Variants in MTMR2 observed in about 807,000 individuals in gnomAD.
The protein encoded by MTMR2 is myotubularin related protein 2.
In MTMR2, 55 loss-of-function variants were observed where a neutral mutation model predicts 86.9. That is an observed-to-expected ratio of 0.63 (90% CI 0.51 to 0.79). MTMR2 has a LOEUF of 0.79. MTMR2 is among the 30% of genes least tolerant of loss of function. The pLI is 0.00. For missense variants in MTMR2, 659 were observed against 772.3 expected, an observed-to-expected ratio of 0.85 and a Z score of 1.74; for synonymous variants, 241 against 266.8, an observed-to-expected ratio of 0.90 and a Z score of 0.94.
rs373882109 is a variant in MTMR2 at position 95,887,232 on chromosome 11, T to C, written c.186+924A>G. ...AAGGAAAACAATGTTTTAGCTAAAATTGTGTAAGTGTAACCAGTGAGAAAG... is the reference window on the plus strand; with the variant it reads ...AAGGAAAACAATGTTTTAGCTAAAACTGTGTAAGTGTAACCAGTGAGAAAG... On this transcript the variant is annotated intron_variant, in intron 2 of 14. Coordinates refer to ENST00000346299, the MANE Select transcript of MTMR2 (RefSeq NM_016156.6). Among the ~76,000 whole-genome samples the C allele has an allele frequency of 2.0e-5, 3 of 152,270 alleles. No homozygotes were observed. In the East Asian group the frequency reaches 5.8e-4, roughly 29 times the overall value.
chr11:95,837,066 C>A (rs1186230571), intron 13 of MTMR2, among the ~76,000 whole-genome samples: 1 of 151,944 alleles, frequency 6.6e-6, no homozygotes, highest in Non-Finnish European at 1.5e-5. Flanking sequence ...AAATAAAACT[C>A]TTCGAAACTT....
chr11:95,845,132 C>T lies in MTMR2; in HGVS notation c.1207G>A (p.Ala403Thr), dbSNP rs1377803550. 1.2e-6 allele frequency: 2 copies of T among 1,613,724 alleles called. No individual in the cohort carries two copies. Among genetic ancestry groups the T allele is most frequent in the African/African-American group, 2.7e-5 (2 of 74,902 alleles). Residue 403 changes from alanine to threonine, a missense_variant, in exon 11 of 15, where the codon GCT (alanine) becomes ACT (threonine). This residue lies in a region of MTMR2 where 387 missense variants were observed against 526.3 expected (regional missense o/e 0.74). Coordinates refer to ENST00000346299, the MANE Select transcript of MTMR2 (RefSeq NM_016156.6). ...KLILAGALRI[A>T]DKVESGKTSV... Reference sequence around the variant, plus strand: ...GTCTTCCCTGACTCTACCTTGTCAGCAATCCTAAGAGCCCCTGCAAGAATA... The same window carrying T: ...GTCTTCCCTGACTCTACCTTGTCAGTAATCCTAAGAGCCCCTGCAAGAATA...
intron 1 of MTMR2, chr11:95,914,142 A>G: frequency 2.1e-6 from 2 of 965,830 alleles, no homozygotes; most frequent in Middle Eastern, 5.3e-4. Flanking sequence ...CTTGTTACTC[A>G]TAAGTGCAAA....
rs1863143223 is a variant in MTMR2, at chr11:95,834,051, T to TG, written c.*1238dup. ...TCCTCCAATAATTTCCAAATATTTC[T>TG]GGGGAAAAAAAAGAAATGGCAACTT... On this transcript the variant is annotated 3_prime_UTR_variant, in exon 15 of 15. Transcript: ENST00000346299. 3 of 147,094 alleles carry TG rather than the reference T, an allele frequency of 2.0e-5. No individual in the cohort carries two copies. In the South Asian group the frequency reaches 6.3e-4, roughly 31 times the overall value. 9.1% of individuals were successfully genotyped at this position (147,094 alleles called of 1,614,324 possible).
chr11:95,894,898 G>C (rs1865828532), intron 1 of MTMR2, among the ~76,000 whole-genome samples: 1 of 152,024 alleles, frequency 6.6e-6, no homozygotes, highest in South Asian at 2.1e-4. Flanking sequence ...TGCTCCTTTT[G>C]CCTGTTACTG....
chr11:95,880,988 T>C (rs1304241254), intron 2 of MTMR2, among the ~76,000 whole-genome samples: 1 of 152,124 alleles, frequency 6.6e-6, no homozygotes, highest in Non-Finnish European at 1.5e-5. Context: ...CTTAGAGTCT[T>C]ATTTTAAATA....
At chr11:95,893,684 A>C (rs1565377722) in intron 1 of MTMR2, among the ~76,000 whole-genome samples, 1 of 152,078 alleles carries the variant, frequency 6.6e-6, no homozygotes, top group African/African-American at 2.4e-5. Context: ...TGATTCTCCC[A>C]TTCCCCAAGT....
intron 10 of MTMR2, among the ~76,000 whole-genome samples, chr11:95,845,882 T>TAAA (rs201863810): frequency 0.059 from 5,287 of 89,828 alleles, 304 homozygotes; most frequent in African/African-American, 0.15. Context: ...TATGGTATCT[T>TAAA]AAAAAAAAAA....
intron 1 of MTMR2, among the ~76,000 whole-genome samples, chr11:95,905,327 C>G (rs1565383810): frequency 1.7e-5 from 1 of 59,190 alleles, no homozygotes; most frequent in Non-Finnish European, 3.5e-5. Flanking sequence ...ACGCACGCAC[C>G]TGCGCACACA....
At chr11:95,872,607 C>A (rs1864934133) in intron 2 of MTMR2, among the ~76,000 whole-genome samples, 1 of 151,444 alleles carries the variant, frequency 6.6e-6, no homozygotes, top group African/African-American at 2.4e-5. Context: ...CACTTTATTT[C>A]CTTCTCCTGC....
chr11:95,923,841 G>C (rs1394718891), intron 1 of MTMR2, 34 bp downstream of exon 1: 1 of 1,549,310 alleles, frequency 6.5e-7, no homozygotes, highest in Non-Finnish European at 8.7e-7. Flanking sequence ...CATCCCCTTC[G>C]GACGCTGGGC....
intron 1 of MTMR2, chr11:95,913,029 G>GT (rs970157805): frequency 2.6e-5 from 4 of 152,010 alleles, no homozygotes; most frequent in Non-Finnish European, 5.9e-5. Context: ...ACAAAAAAAA[G>GT]TTTTTTCTTT....
In MTMR2 at chr11:95,888,262, C is replaced by A. The variant is rs764298831; in HGVS notation, c.81-1G>T. 11 of 1,592,390 alleles carry A rather than the reference C, an allele frequency of 6.9e-6. No homozygotes were observed. The highest frequency in any genetic ancestry group is 7.7e-6 in the Non-Finnish European group (9 of 1,163,304). ...ATTCTCTGAATGAGAAGTGGAGGCA[C>A]TACAAAATACAAAAGTACAGTATGT... On this transcript the variant is annotated splice_acceptor_variant, in intron 1 of 14. Coordinates refer to ENST00000346299, the MANE Select transcript of MTMR2 (RefSeq NM_016156.6). LOFTEE classifies it high-confidence loss of function.
At chr11:95,858,251 A>G (rs1459063188) in intron 6 of MTMR2, among the ~76,000 whole-genome samples, 1 of 152,152 alleles carries the variant, frequency 6.6e-6, no homozygotes, top group Non-Finnish European at 1.5e-5. Flanking sequence ...CCTAATGAAG[A>G]CAACAGGTAA....
chr11:95,858,663 T>C (rs1217955233), intron 5 of MTMR2, 31 bp from the exon 6 acceptor site: 5 of 1,335,894 alleles, frequency 3.7e-6, no homozygotes, highest in East Asian at 2.3e-5. Context: ...AAGTTAATAA[T>C]TGTTCACTAC....
At chr11:95,855,943 G>A (rs750511173) in intron 7 of MTMR2, among the ~76,000 whole-genome samples, 3 of 152,086 alleles carry the variant, frequency 2.0e-5, no homozygotes, top group East Asian at 1.9e-4. Context: ...GCACAATTTC[G>A]TGAATATGTT....
chr11:95,862,320 T>A lies in MTMR2; in HGVS notation c.309A>T (p.Gly103=), dbSNP rs114274243. 4.3e-6 allele frequency: 7 copies of A among 1,614,102 alleles called. No individual in the cohort carries two copies. Among genetic ancestry groups the A allele is most frequent in the Non-Finnish European group, 5.9e-6 (7 of 1,180,002 alleles). The change falls in exon 4 of 15, where the codon GGA becomes GGT. Residue 103 remains glycine, a synonymous_variant. Coordinates refer to ENST00000346299, the MANE Select transcript of MTMR2 (RefSeq NM_016156.6). Reference sequence around the variant, plus strand: ...ACCTATAATTCGTGACAGTCAGAGTTCCTCGTACAGCGCCAGTGAATGGAC... The same window carrying A: ...ACCTATAATTCGTGACAGTCAGAGTACCTCGTACAGCGCCAGTGAATGGAC... ...YICPFTGAVR[G]TLTVTNYRLY...
chr11:95,875,090 C>T (rs1865053159), intron 2 of MTMR2, among the ~76,000 whole-genome samples: 1 of 152,072 alleles, frequency 6.6e-6, no homozygotes, highest in Non-Finnish European at 1.5e-5. Flanking sequence ...TTGCTCTTCT[C>T]GAGGAGTATC....
chr11:95,890,473 T>C (rs1374690982), intron 1 of MTMR2, among the ~76,000 whole-genome samples: 1 of 152,182 alleles, frequency 6.6e-6, no homozygotes, highest in Non-Finnish European at 1.5e-5. Flanking sequence ...CGTGAGTCAA[T>C]TCCAGTCAGT....
Sources: gnomAD v4.1 joint callset for allele counts (sites outside exome capture counted in the v4.1 genomes callset) on GRCh38, gnomAD v4.1.1 for gene constraint, gnomAD v4.1.1 regional missense constraint, MANE v1.5 for transcripts, NCBI Gene and HGNC (gene_info 2026-07-23, HGNC 2026-07-21) for gene names.